The following PPFIBP1 variants were observed in gnomAD, a reference collection of about 807,000 sequenced individuals.
PPFIBP1 encodes liprin-beta-1.
In PPFIBP1, 112 loss-of-function variants were observed where a neutral mutation model predicts 137.8. That is an observed-to-expected ratio of 0.81 (90% confidence interval 0.70 to 0.95). The LOEUF (loss-of-function observed/expected upper bound fraction) is 0.95, where lower values mean the gene tolerates loss of function less well. Among genes scored for constraint, PPFIBP1 ranks in the 40% least tolerant of loss-of-function variants. The probability of loss-of-function intolerance (pLI) is 0.00; values close to 1 mark genes in which losing one functional copy is unlikely to be tolerated. For missense variants in PPFIBP1, 1,083 were observed against 1,196.6 expected (o/e 0.91, Z 1.40); for synonymous variants, 378 against 417.3 (o/e 0.91, Z 1.15).
chr12:27,581,289 A>C (rs1439220675), intron 2 of PPFIBP1, among the ~76,000 whole-genome samples: 1 of 152,176 alleles, frequency 6.6e-6, no homozygotes, highest in Non-Finnish European at 1.5e-5. Context: ...CCTCTGTGCC[A>C]GTGGTCCTTG....
chr12:27,525,871 T>C (rs768852975), intron 1 of PPFIBP1, among the ~76,000 whole-genome samples: 3 of 152,050 alleles, frequency 2.0e-5, no homozygotes, highest in Non-Finnish European at 4.4e-5. Context: ...TGGGTCTGTA[T>C]TGTTGTTAGT....
chr12:27,615,470 C>T (rs529627841), intron 2 of PPFIBP1, among the ~76,000 whole-genome samples: 81 of 152,262 alleles, frequency 5.3e-4, no homozygotes, highest in Non-Finnish European at 9.0e-4. Context: ...CCTGTGTTTC[C>T]TCAAGGAGGA....
chr12:27,641,623 T>A (rs1175655321), intron 4 of PPFIBP1, among the ~76,000 whole-genome samples: 1 of 152,210 alleles, frequency 6.6e-6, no homozygotes, highest in Non-Finnish European at 1.5e-5. Flanking sequence ...TGCTTGATTG[T>A]AATACTTCAT....
rs567429343 is a variant in PPFIBP1, at chr12:27,555,013, G to A, written c.-123-23139G>A. On this transcript the variant is annotated intron_variant, in intron 1 of 29. Coordinates refer to ENST00000228425, the MANE Select transcript of PPFIBP1 (RefSeq NM_003622.4). Reference sequence around the variant, plus strand: ...CTTGTATTTTTTGATCCCTGAGGACGGACCTCAAATGGCAACAGAGGCTGG... The same window carrying A: ...CTTGTATTTTTTGATCCCTGAGGACAGACCTCAAATGGCAACAGAGGCTGG... Among the ~76,000 whole-genome samples, 8 of 152,104 alleles carry A rather than the reference G, an allele frequency of 5.3e-5. No homozygotes were observed. In the South Asian group the frequency reaches 1.0e-3, roughly 20 times the overall value.
intron 1 of PPFIBP1, among the ~76,000 whole-genome samples, chr12:27,542,538 A>T (rs1312813822): frequency 1.3e-5 from 2 of 152,248 alleles, no homozygotes; most frequent in East Asian, 3.8e-4. Context: ...CATTCATTGT[A>T]GAAGCTCAGT....
At chr12:27,646,202 T>A in intron 5 of PPFIBP1, 54 bp downstream of exon 5, 1 of 1,410,474 alleles carries the variant, frequency 7.1e-7, no homozygotes, top group Non-Finnish European at 9.9e-7. Flanking sequence ...CAAAGCCTTT[T>A]AAATTGGGGT....
intron 2 of PPFIBP1, chr12:27,592,543 C>A: frequency 1.6e-6 from 2 of 1,274,402 alleles, no homozygotes; most frequent in Non-Finnish European, 2.3e-6. Flanking sequence ...TGCTGGCTGA[C>A]GGGGACTCTT....
At chr12:27,586,690 C>CT (rs2051795866) in intron 2 of PPFIBP1, among the ~76,000 whole-genome samples, 1 of 144,172 alleles carries the variant, frequency 6.9e-6, no homozygotes, top group African/African-American at 2.6e-5. Flanking sequence ...AAGTGAGACT[C>CT]TGTCTCAAGA....
intron 1 of PPFIBP1, among the ~76,000 whole-genome samples, chr12:27,530,900 G>A (rs769601914): frequency 6.6e-6 from 1 of 152,210 alleles, no homozygotes; most frequent in African/African-American, 2.4e-5. Flanking sequence ...GGATGAGTGG[G>A]TGGAAGGTTA....
Position 27,679,508 on chromosome 12 carries a change from A to G in PPFIBP1, c.1635A>G (p.Thr545=). The G allele has an allele frequency of 1.9e-6, 3 of 1,613,378 alleles. No individual in the cohort carries two copies. Among genetic ancestry groups the G allele is most frequent in the Non-Finnish European group, 2.5e-6 (3 of 1,179,800 alleles). Residue 545 remains threonine (T), a synonymous_variant, in exon 20 of 30, where the codon ACA becomes ACG. Transcript: ENST00000228425. ...APTLAETEKE[T]AEHLDLAGAS... ...GAGTAGCTGAAACAGAAAAAGAGACAGCAGAGCACCTAGATCTGGCTGGTG... is the reference window on the plus strand; with the variant it reads ...GAGTAGCTGAAACAGAAAAAGAGACGGCAGAGCACCTAGATCTGGCTGGTG...
chr12:27,660,824 ACTT>A (rs1435314841), intron 10 of PPFIBP1, 57 bp from the exon 11 acceptor site: 2 of 1,571,542 alleles, frequency 1.3e-6, no homozygotes, highest in African/African-American at 2.7e-5. Context: ...AGAGTAAATA[ACTT>A]CTTATCACTG....
At chr12:27,647,912 T>A in intron 6 of PPFIBP1, 70 bp downstream of exon 6, 1 of 1,518,442 alleles carries the variant, frequency 6.6e-7, no homozygotes, top group Non-Finnish European at 8.8e-7. Context: ...ATTTCTATGT[T>A]GTGTTTGCTC....
chr12:27,645,741 C>A (rs2058431503), intron 4 of PPFIBP1, among the ~76,000 whole-genome samples: 1 of 152,320 alleles, frequency 6.6e-6, no homozygotes, highest in East Asian at 1.9e-4. Context: ...CCCCTACATA[C>A]TCACAAAGCT....
Position 27,590,586 on chromosome 12 carries a change from T to C in PPFIBP1, c.-36+12347T>C, listed in dbSNP as rs557317293. ...AAAGAGGGCTGAAAAGTACAAATCA[T>C]GGCAAGAAGGTGGCAGAGCAGGGAC... is the stretch of plus-strand genomic sequence containing the variant. On this transcript the variant is annotated intron_variant, in intron 2 of 29. Transcript: ENST00000228425. Among the ~76,000 whole-genome samples the C allele has an allele frequency of 2.0e-5, 3 of 152,244 alleles. No homozygotes were observed. The East Asian group carries it at 5.8e-4, about 29-fold the overall frequency.
intron 2 of PPFIBP1, among the ~76,000 whole-genome samples, chr12:27,595,627 G>A (rs1006878228): frequency 6.6e-6 from 1 of 152,066 alleles, no homozygotes; most frequent in Non-Finnish European, 1.5e-5. Flanking sequence ...GGCTGAGGTG[G>A]GCGGATCACC....
At chr12:27,685,889 A>T (rs951981346) in intron 24 of PPFIBP1, among the ~76,000 whole-genome samples, 19 of 152,164 alleles carry the variant, frequency 1.2e-4, no homozygotes, top group African/African-American at 3.4e-4. Context: ...AAAAAGTTTT[A>T]AAAAAATTGG....
At chr12:27,678,982 A>T (rs576192584) in intron 19 of PPFIBP1, among the ~76,000 whole-genome samples, 5 of 152,094 alleles carry the variant, frequency 3.3e-5, no homozygotes, top group Non-Finnish European at 5.9e-5. Flanking sequence ...ATTTAGATAC[A>T]GAGCCTAGAG....
chr12:27,527,931 G>A (rs1052355424), intron 1 of PPFIBP1, among the ~76,000 whole-genome samples: 1 of 151,992 alleles, frequency 6.6e-6, no homozygotes, highest in African/African-American at 2.4e-5. Context: ...TTTGATGCAG[G>A]GTATTCTTTG....
chr12:27,592,546 G>A, intron 2 of PPFIBP1: 2 of 1,289,320 alleles, frequency 1.6e-6, no homozygotes, highest in Admixed American at 3.5e-5. Context: ...TGGCTGACGG[G>A]GACTCTTGGT....
Sources: allele counts gnomAD v4.1 joint callset (sites outside exome capture counted in the v4.1 genomes callset), GRCh38; gene constraint gnomAD v4.1.1; transcripts MANE v1.5; gene names NCBI Gene and HGNC (gene_info 2026-07-23, HGNC 2026-07-21).